EXOC6B: variants seen among roughly 807,000 people sequenced by gnomAD.
EXOC6B encodes SEC15 homolog B.
EXOC6B carries 54 observed loss-of-function variants against 113.5 expected under a neutral mutation model. The observed-to-expected ratio is 0.48, with a 90% CI of 0.38 to 0.60. EXOC6B has a LOEUF of 0.60. Ranked by LOEUF, EXOC6B falls within the 20% of genes least tolerant of loss-of-function variation. The pLI, the probability that EXOC6B is intolerant of heterozygous loss-of-function variation, is 0.00. For missense variants in EXOC6B, 797 were observed against 977.5 expected (o/e 0.82, Z 2.46); for synonymous variants, 357 against 339.0 (o/e 1.05, Z -0.58).
chr2:72,393,226 T>A (rs768785679), intron 18 of EXOC6B, among the ~76,000 whole-genome samples: 1 of 152,064 alleles, frequency 6.6e-6, no homozygotes, highest in African/African-American at 2.4e-5. Context: ...CCCAAGTAGC[T>A]GGGACTACAG....
intron 18 of EXOC6B, among the ~76,000 whole-genome samples, chr2:72,388,543 T>C (rs866580275): frequency 6.6e-6 from 1 of 152,166 alleles, no homozygotes; most frequent in Admixed American, 6.5e-5. Context: ...ATCCTATAAA[T>C]AGACATCAAT....
In EXOC6B at chr2:72,244,863, G is replaced by T. The variant is rs537893882; in HGVS notation, c.2197-60676C>A. The stretch of plus-strand genomic sequence containing the variant: ...TACCAGAAATGAAGAACTGGAATTT[G>T]AAATTAAAAACATAATATCATTTAC... On this transcript the variant is annotated intron_variant, in intron 20 of 21. Transcript: ENST00000272427. Among the ~76,000 whole-genome samples the T allele has an allele frequency of 3.3e-5, 5 of 152,122 alleles. No individual in the cohort carries two copies. In the East Asian group the frequency reaches 9.6e-4, roughly 29 times the overall value.
intron 18 of EXOC6B, chr2:72,462,188 A>C (rs990855418): frequency 6.6e-6 from 1 of 152,134 alleles, no homozygotes; most frequent in African/African-American, 2.4e-5. Flanking sequence ...TGACTTGCTA[A>C]GTAGCTGCAT....
At chr2:72,493,811 A>G (rs1221912588) in intron 15 of EXOC6B, among the ~76,000 whole-genome samples, 4 of 152,234 alleles carry the variant, frequency 2.6e-5, no homozygotes, top group Middle Eastern at 6.8e-3. Context: ...GTCTAGTGTA[A>G]AAGAGAAAAC....
At chr2:72,636,309 CAGGG>C (rs369532977) in intron 6 of EXOC6B, among the ~76,000 whole-genome samples, 11 of 71,862 alleles carry the variant, frequency 1.5e-4, no homozygotes, top group African/African-American at 4.0e-4. Context: ...GGGAGGGAGG[CAGGG>C]AGGGAGGGAG....
At chr2:72,688,162 T>C (rs1558919310) in intron 6 of EXOC6B, among the ~76,000 whole-genome samples, 1 of 152,168 alleles carries the variant, frequency 6.6e-6, no homozygotes, top group Non-Finnish European at 1.5e-5. Context: ...GGATCCACTA[T>C]AAACCCACAT....
chr2:72,521,062 TAAG>T (rs2105715171), intron 8 of EXOC6B, among the ~76,000 whole-genome samples: 1 of 152,278 alleles, frequency 6.6e-6, no homozygotes, highest in South Asian at 2.1e-4. Flanking sequence ...AACATAGTAG[TAAG>T]AGATGCGGCC....
chr2:72,586,729 C>T (rs932942148), intron 6 of EXOC6B, among the ~76,000 whole-genome samples: 7 of 151,070 alleles, frequency 4.6e-5, no homozygotes, highest in East Asian at 1.9e-4. Flanking sequence ...GCTAGCCTGG[C>T]GGCAGAGCAA....
At chr2:72,224,828 GTA>G (rs1681107807) in intron 20 of EXOC6B, among the ~76,000 whole-genome samples, 1 of 150,546 alleles carries the variant, frequency 6.6e-6, no homozygotes, top group East Asian at 2.0e-4. Flanking sequence ...GTGCGTGTGT[GTA>G]TGTGTGTATG....
At chr2:72,388,522 G>T (rs968827513) in intron 18 of EXOC6B, among the ~76,000 whole-genome samples, 1 of 151,992 alleles carries the variant, frequency 6.6e-6, no homozygotes, top group East Asian at 1.9e-4. Flanking sequence ...AGCTGCTATT[G>T]GTGGTGTAAT....
intron 7 of EXOC6B, among the ~76,000 whole-genome samples, chr2:72,564,132 C>T (rs1157583428): frequency 6.6e-6 from 1 of 152,126 alleles, no homozygotes; most frequent in East Asian, 1.9e-4. Flanking sequence ...CCTCCCTCTG[C>T]TCAAGAAGAG....
rs941534861 is a variant in EXOC6B at position 72,643,778 on chromosome 2, T to G, written c.670-68110A>C. Among the ~76,000 whole-genome samples, 7 of 143,262 alleles carry G rather than the reference T, an allele frequency of 4.9e-5. No homozygotes were observed. In the South Asian group the frequency reaches 1.5e-3, roughly 32 times the overall value. 94.0% of individuals were successfully genotyped at this position (143,262 alleles called of 152,430 possible). Reference sequence around the variant, plus strand: ...TGAAGTATAATTTAAAAAAAATAAATTTAAAAAAAAAGAAGCAATAAAAAA... The same window carrying G: ...TGAAGTATAATTTAAAAAAAATAAAGTTAAAAAAAAAGAAGCAATAAAAAA... On this transcript the variant is annotated intron_variant, in intron 6 of 21. Coordinates refer to ENST00000272427, the MANE Select transcript of EXOC6B (RefSeq NM_015189.3).
At chr2:72,326,998 A>T (rs1688163318) in intron 20 of EXOC6B, among the ~76,000 whole-genome samples, 1 of 151,930 alleles carries the variant, frequency 6.6e-6, no homozygotes, top group Non-Finnish European at 1.5e-5. Context: ...TCATGGGGAA[A>T]TATGTCAAAA....
chr2:72,385,016 A>G (rs1691914949), intron 18 of EXOC6B, among the ~76,000 whole-genome samples: 1 of 152,166 alleles, frequency 6.6e-6, no homozygotes, highest in African/African-American at 2.4e-5. Flanking sequence ...ATAATGCTAA[A>G]GTTCGTATGG....
rs372933704 is a variant in EXOC6B, at chr2:72,262,990, G to T, written c.2196+71957C>A. 5.3e-5 allele frequency among the ~76,000 whole-genome samples: 8 copies of T among 152,272 alleles called. No homozygotes were observed. In the South Asian group the frequency reaches 1.5e-3, roughly 28 times the overall value. On this transcript the variant is annotated intron_variant, in intron 20 of 21. Coordinates refer to ENST00000272427, the MANE Select transcript of EXOC6B (RefSeq NM_015189.3). ...GAATATAGCCATACCTAACACTGAAGATTTTCCTCTGAAAGCAAGATCCAA... is the reference window on the plus strand; with the variant it reads ...GAATATAGCCATACCTAACACTGAATATTTTCCTCTGAAAGCAAGATCCAA...
At chr2:72,317,152 G>GTT (rs199991124) in intron 20 of EXOC6B, among the ~76,000 whole-genome samples, 4 of 139,652 alleles carry the variant, frequency 2.9e-5, no homozygotes, top group Non-Finnish European at 1.5e-5. Context: ...GATAATTGTG[G>GTT]TTTGTTTTTT....
At chr2:72,481,261 C>T (rs576408833) in intron 16 of EXOC6B, among the ~76,000 whole-genome samples, 12 of 152,280 alleles carry the variant, frequency 7.9e-5, no homozygotes, top group African/African-American at 2.9e-4. Context: ...TACCCAGCCT[C>T]GGGCAGTTCT....
intron 17 of EXOC6B, among the ~76,000 whole-genome samples, chr2:72,467,388 T>C (rs1698121663): frequency 6.6e-6 from 1 of 152,222 alleles, no homozygotes; most frequent in African/African-American, 2.4e-5. Context: ...GTTCTATTTT[T>C]ATTTTTTGGG....
At chr2:72,422,510 A>T (rs1038359273) in intron 18 of EXOC6B, among the ~76,000 whole-genome samples, 3 of 151,046 alleles carry the variant, frequency 2.0e-5, no homozygotes, top group African/African-American at 7.4e-5. Context: ...TGAGTGCACC[A>T]ATCGACACTC....
Sources: allele counts gnomAD v4.1 joint callset (sites outside exome capture counted in the v4.1 genomes callset), GRCh38; gene constraint gnomAD v4.1.1; transcripts MANE v1.5; gene names NCBI Gene and HGNC (gene_info 2026-07-23, HGNC 2026-07-21).